Variants in DAB2IP observed in about 807,000 individuals in gnomAD.
The protein encoded by DAB2IP is disabled homolog 2-interacting protein.
DAB2IP carries 28 observed loss-of-function variants against 107.2 expected under a neutral mutation model. The ratio of observed to expected loss-of-function variants is 0.26; its 90% CI spans 0.19 to 0.36. The LOEUF (loss-of-function observed/expected upper bound fraction) is 0.36. Ranked by LOEUF, DAB2IP falls within the 10% of genes least tolerant of loss-of-function variation. The pLI is 1.00. For synonymous variants in DAB2IP, 755 were observed against 706.4 expected, an observed-to-expected ratio of 1.07 and a Z score of -1.09; for missense variants, 1,400 against 1,644.7, an observed-to-expected ratio of 0.85 and a Z score of 2.57.
rs143770081 is a variant in DAB2IP, at chr9:121,757,088, G to A, written c.438G>A (p.Ala146=). 2.0e-5 allele frequency: 32 copies of A among 1,614,064 alleles called. No homozygotes were observed. In the South Asian group the frequency reaches 2.3e-4, roughly 12 times the overall value. The change falls in exon 4 of 16, where the codon GCG becomes GCA. Residue 146 remains alanine, a synonymous_variant. Coordinates refer to ENST00000408936, the Ensembl canonical transcript of DAB2IP. ...TCAGCCCCAGCAGTGCGGTGGAGGC[G>A]CTGGACCTCAGCATGGAGGAAGAGG...
chr9:121,724,661 T>C (rs761719330), intron 3 of DAB2IP, among the ~76,000 whole-genome samples: 14 of 152,258 alleles, frequency 9.2e-5, no homozygotes, highest in Non-Finnish European at 1.3e-4. Flanking sequence ...TTGTACCCCA[T>C]AATGTGGACA....
At chr9:121,706,183 C>T (rs1022214929) in intron 3 of DAB2IP, among the ~76,000 whole-genome samples, 3 of 152,188 alleles carry the variant, frequency 2.0e-5, no homozygotes, top group Non-Finnish European at 4.4e-5. Context: ...CGAGGTGTGT[C>T]CAGGGCAGCA....
intron 3 of DAB2IP, among the ~76,000 whole-genome samples, chr9:121,727,702 C>T (rs571275238): frequency 6.6e-6 from 1 of 152,346 alleles, no homozygotes; most frequent in South Asian, 2.1e-4. Flanking sequence ...GCCCCCACTG[C>T]AGGGGCAGGT....
At chr9:121,707,638 C>T (rs533315261) in intron 3 of DAB2IP, among the ~76,000 whole-genome samples, 140 of 152,278 alleles carry the variant, frequency 9.2e-4, no homozygotes, top group Non-Finnish European at 1.6e-3. Flanking sequence ...TAATTTGATG[C>T]GACGTTGTCA....
At chr9:121,759,344 C>G (rs1053923053) in intron 5 of DAB2IP, among the ~76,000 whole-genome samples, 4 of 152,166 alleles carry the variant, frequency 2.6e-5, no homozygotes, top group African/African-American at 7.2e-5. Flanking sequence ...TCTGCCCCTC[C>G]TCCAGGTGAG....
chr9:121,779,853 C>T (rs758972084), intron 14 of DAB2IP, among the ~76,000 whole-genome samples: 17 of 152,166 alleles, frequency 1.1e-4, no homozygotes, highest in African/African-American at 1.7e-4. Context: ...GCCTCTTGCT[C>T]CTCTCTGGCT....
At chr9:121,733,396 C>G (rs78362046) in intron 3 of DAB2IP, among the ~76,000 whole-genome samples, 3,736 of 152,318 alleles carry the variant, frequency 0.025, 58 homozygotes, top group Non-Finnish European at 0.037. Flanking sequence ...TCTTGTCATT[C>G]AAAGAAATGG....
At chr9:121,741,084 C>T (rs1832306606) in intron 3 of DAB2IP, among the ~76,000 whole-genome samples, 1 of 152,176 alleles carries the variant, frequency 6.6e-6, no homozygotes, top group Non-Finnish European at 1.5e-5. Flanking sequence ...GGCTCCAAGG[C>T]ATTCCTTCTG....
At chr9:121,740,684 C>T (rs191827427) in intron 3 of DAB2IP, among the ~76,000 whole-genome samples, 7 of 152,310 alleles carry the variant, frequency 4.6e-5, no homozygotes, top group African/African-American at 1.4e-4. Flanking sequence ...TTGGCATACA[C>T]AGCTGGAGAT....
Position 121,782,681 on chromosome 9 carries a change from G to A in DAB2IP, c.*183G>A, listed in dbSNP as rs988106158. 1.4e-5 allele frequency: 20 copies of A among 1,429,822 alleles called. No homozygotes were observed. Among genetic ancestry groups the A allele is most frequent in the South Asian group, 1.5e-5 (1 of 67,018 alleles). The allele number at this position is 1,429,822 out of a possible 1,614,324, so 88.6% of individuals were successfully genotyped here. A position where few individuals can be genotyped will look rare whatever the true frequency, so the allele number is the denominator to read the frequency against. Reference sequence around the variant, plus strand: ...GGGAGCCACCAGAGACTGAAGCAGCGTGAGGCGAGGTCACCAGCCGCTCCC... The same window carrying A: ...GGGAGCCACCAGAGACTGAAGCAGCATGAGGCGAGGTCACCAGCCGCTCCC... On this transcript the variant is annotated 3_prime_UTR_variant, in exon 16 of 16. Coordinates refer to ENST00000408936, the Ensembl canonical transcript of DAB2IP. This position sits in a 1 kb window ranked among gnomAD's most constrained non-coding sequence, Gnocchi z 6.1.
In DAB2IP at chr9:121,664,104, A is replaced by G. The variant is rs193273975; in HGVS notation, c.124+12205A>G. On this transcript the variant is annotated intron_variant, in intron 1 of 15. Coordinates refer to ENST00000408936, the Ensembl canonical transcript of DAB2IP. ...GGTGATCCATTTTTATTACATAGAG[A>G]CAACTAGTTGTTTTTTAGAACTATT... Among the ~76,000 whole-genome samples the G allele has an allele frequency of 4.6e-5, 7 of 152,326 alleles. No individual in the cohort carries two copies. In the East Asian group the frequency reaches 1.3e-3, roughly 29 times the overall value.
chr9:121,641,907 TTC>T (rs1554718143), intron 1 of DAB2IP, among the ~76,000 whole-genome samples: 1 of 119,786 alleles, frequency 8.3e-6, no homozygotes, highest in Non-Finnish European at 1.6e-5. Context: ...CTTTCTTTCT[TTC>T]TTTCTTTCTT....
At chr9:121,665,177 A>C (rs898137016) in intron 1 of DAB2IP, among the ~76,000 whole-genome samples, 1 of 152,228 alleles carries the variant, frequency 6.6e-6, no homozygotes, top group African/African-American at 2.4e-5. Flanking sequence ...TATTTCATAT[A>C]GCCATGTTGT....
At position 121,782,598 on chromosome 9, in the gene DAB2IP, G is replaced by A. The variant is rs1008855006; in HGVS notation, c.*100G>A. 1.0e-5 allele frequency: 16 copies of A among 1,538,616 alleles called. No individual in the cohort carries two copies. The highest frequency in any genetic ancestry group is 5.5e-5 in the African/African-American group (4 of 73,366). On this transcript the variant is annotated 3_prime_UTR_variant, in exon 16 of 16. Coordinates refer to ENST00000408936, the Ensembl canonical transcript of DAB2IP. This position sits in a 1 kb window ranked among gnomAD's most constrained non-coding sequence, Gnocchi z 6.1. ...AGGCACCCACGGTTGCAGCCCCAGC[G>A]CGGGTGTCAGGAGGCCGAGCCTCCC...
At chr9:121,766,837 C>T (rs1834321968) in intron 9 of DAB2IP, 107 bp downstream of exon 9, 8 of 1,149,116 alleles carry the variant, frequency 7.0e-6, no homozygotes, top group Non-Finnish European at 1.0e-5. Flanking sequence ...ATAAACAGGC[C>T]CTGGTTTTGT....
chr9:121,596,983 C>T (rs1031956643), intron 1 of DAB2IP, among the ~76,000 whole-genome samples: 1 of 152,178 alleles, frequency 6.6e-6, no homozygotes, highest in African/African-American at 2.4e-5. Flanking sequence ...ACTAGTGAGA[C>T]TGACCATCTT....
Position 121,641,901 on chromosome 9 carries a change from C to CTTTCTTTT in DAB2IP, c.41-36770_41-36769insTTTTCTTT, listed in dbSNP as rs756075230. The stretch of plus-strand genomic sequence containing the variant: ...TCTGTCCATTTCTTTCCCTTTCTTT[C>CTTTCTTTT]TTTCTTTCTTTCTTTCTTTCTTTCT... On this transcript the variant is annotated intron_variant, in intron 1 of 16. Transcript: ENST00000259371. 6.1e-5 allele frequency among the ~76,000 whole-genome samples: 5 copies of CTTTCTTTT among 82,612 alleles called. 1 individual carries two copies. In the East Asian group the frequency reaches 2.2e-3, roughly 36 times the overall value. The allele number at this position is 82,612 out of a possible 152,430, so 54.2% of individuals were successfully genotyped here. A position where few individuals can be genotyped will look rare whatever the true frequency, so the allele number is the denominator to read the frequency against.
At chr9:121,693,052 C>G (rs545611837) in intron 2 of DAB2IP, among the ~76,000 whole-genome samples, 1 of 152,202 alleles carries the variant, frequency 6.6e-6, no homozygotes, top group Non-Finnish European at 1.5e-5. Flanking sequence ...CCCAGTCTAG[C>G]CCCTAGTGTT....
At chr9:121,759,772 G>A (rs1328333628) in intron 5 of DAB2IP, 113 bp from the exon 6 acceptor site, 41 of 965,692 alleles carry the variant, frequency 4.2e-5, no homozygotes, top group Middle Eastern at 2.6e-4. Flanking sequence ...GCCCGCTGCC[G>A]CCTCCACCTT....
Sources: gnomAD v4.1 joint callset for allele counts (sites outside exome capture counted in the v4.1 genomes callset) on GRCh38, gnomAD v4.1.1 for gene constraint, Gnocchi (gnomAD v3.1) non-coding constraint, MANE v1.5 for transcripts, NCBI Gene and HGNC (gene_info 2026-07-23, HGNC 2026-07-21) for gene names.